Variants in E2F8 observed in about 807,000 individuals in gnomAD.
The protein encoded by E2F8 is E2F transcription factor 8.
A neutral mutation model predicts 80.8 loss-of-function variants in E2F8; 35 were observed. The ratio of observed to expected loss-of-function variants is 0.43; its 90% confidence interval spans 0.33 to 0.57. The LOEUF is 0.57. Ranked by LOEUF, E2F8 falls within the 20% of genes least tolerant of loss-of-function variation. The probability of loss-of-function intolerance (pLI) is 0.04; values close to 1 mark genes in which losing one functional copy is unlikely to be tolerated. For synonymous variants in E2F8, 386 were observed against 395.0 expected (o/e 0.98, Z 0.27); for missense variants, 975 against 1,056.2 (o/e 0.92, Z 1.07).
At chr11:19,239,079 C>T (rs1590132341) in intron 2 of E2F8, among the ~76,000 whole-genome samples, 1 of 152,152 alleles carries the variant, frequency 6.6e-6, no homozygotes. Flanking sequence ...ATGCTTGGAA[C>T]AGCAATAAGT....
At chr11:19,230,550 A>T in intron 8 of E2F8, 81 bp downstream of exon 8, 1 of 1,466,866 alleles carries the variant, frequency 6.8e-7, no homozygotes, top group Non-Finnish European at 9.4e-7. Context: ...TCTGACAACT[A>T]TTGCAAGGAT....
chr11:19,238,253 T>C, intron 2 of E2F8, 121 bp from the exon 3 acceptor site: 1 of 993,484 alleles, frequency 1.0e-6, no homozygotes, highest in Non-Finnish European at 1.5e-6. Context: ...AATGAGATTG[T>C]AGAGTTGAGG....
At chr11:19,233,933 AG>A (rs771780972) in intron 6 of E2F8, among the ~76,000 whole-genome samples, 4 of 151,456 alleles carry the variant, frequency 2.6e-5, no homozygotes, top group Admixed American at 2.6e-4. Context: ...GTGGATCACG[AG>A]GTCAAGAGAT....
At chr11:19,232,565 C>T (rs1851410173) in intron 6 of E2F8, among the ~76,000 whole-genome samples, 194 bp from the exon 7 acceptor site, 1 of 152,122 alleles carries the variant, frequency 6.6e-6, no homozygotes, top group Non-Finnish European at 1.5e-5. Context: ...ATTTAAAAGA[C>T]TCAATTACTG....
chr11:19,227,484 C>T (rs574892857), intron 10 of E2F8, among the ~76,000 whole-genome samples: 2 of 152,280 alleles, frequency 1.3e-5, no homozygotes, highest in African/African-American at 4.8e-5. Flanking sequence ...TTCCAACAAA[C>T]TATATTCATT....
rs1851475018 is a variant in E2F8, at chr11:19,234,964, C to T, written c.546G>A (p.Gly182=). ...CAAGGGTTTTGTTGAGATTGTGTCG[C>T]CCGTGCCAAGTGTACCTGTTTTTGG... ...RLAKNRYTWH[G]RHNLNKTLGT... The change falls in exon 5 of 13, where the codon GGG becomes GGA. Residue 182 remains glycine, a synonymous_variant. Transcript: ENST00000250024. 6.2e-7 allele frequency: 1 copy of T among 1,614,182 alleles called. No individual in the cohort carries two copies. The highest frequency in any genetic ancestry group is 8.5e-7 in the Non-Finnish European group (1 of 1,180,028).
intron 7 of E2F8, 25 bp from the exon 8 acceptor site, chr11:19,230,859 TA>T: frequency 6.2e-7 from 1 of 1,610,634 alleles, no homozygotes; most frequent in South Asian, 1.1e-5. Context: ...GTCTGTGTAT[TA>T]AAACCTGGAT....
At chr11:19,225,932 T>C in intron 10 of E2F8, 68 bp from the exon 11 acceptor site, 1 of 1,551,306 alleles carries the variant, frequency 6.4e-7, no homozygotes, top group South Asian at 1.2e-5. Context: ...ACGTGCCTCT[T>C]TCAGGACTAA....
chr11:19,225,163 C>A, intron 12 of E2F8, 58 bp downstream of exon 12: 1 of 1,564,704 alleles, frequency 6.4e-7, no homozygotes, highest in South Asian at 1.2e-5. Context: ...TCTTATGACA[C>A]AGATACTTGG....
At chr11:19,233,121 G>A (rs1240894797) in intron 6 of E2F8, among the ~76,000 whole-genome samples, 1 of 152,180 alleles carries the variant, frequency 6.6e-6, no homozygotes, top group Non-Finnish European at 1.5e-5. Context: ...CAAAAGGCAA[G>A]TAACCCCTCA....
Position 19,225,447 on chromosome 11 carries a change from G to T in E2F8, c.2195C>A (p.Ala732Asp). ...HPVPIQNPSS[A>D]IVNFTLQHLG... ...GTGCTGCAGGGTGAAGTTTACAATG[G>T]CTGAGCTTGGGTTCTGGATGGGAAC... The change falls in exon 12 of 13, where the codon GCC becomes GAC. Residue 732 changes from alanine to aspartate, a missense_variant. Coordinates refer to ENST00000250024, the MANE Select transcript of E2F8 (RefSeq NM_024680.4). 6.2e-7 allele frequency: 1 copy of T among 1,614,212 alleles called. No individual in the cohort carries two copies.
In E2F8 at chr11:19,229,773, A is replaced by G; in HGVS notation, c.1574T>C (p.Leu525Pro). Reference sequence around the variant, plus strand: ...ACTTTGGTGGGCTTGAGTGGGCTGCAGGTAGATGGCATAGGATGGGCCTGA... The same window carrying G: ...ACTTTGGTGGGCTTGAGTGGGCTGCGGGTAGATGGCATAGGATGGGCCTGA... ...APSGPSYAIYLQPTQAHQSVT... is the reference protein window; with the variant it reads ...APSGPSYAIYPQPTQAHQSVT... The change falls in exon 10 of 13, where the codon CTG (leucine) becomes CCG (proline). Residue 525 changes from leucine to proline, a missense_variant. Physicochemically the swap from Leu to Pro is moderately conservative, Grantham distance 98 (BLOSUM62 -3). Coordinates refer to ENST00000250024, the MANE Select transcript of E2F8 (RefSeq NM_024680.4). The surrounding 1 kb of genome is among the most constrained non-coding windows in gnomAD (Gnocchi z 4.3). 1 of 1,614,130 alleles carries G rather than the reference A, an allele frequency of 6.2e-7. No individual in the cohort carries two copies. Among genetic ancestry groups the G allele is most frequent in the Non-Finnish European group, 8.5e-7 (1 of 1,180,012 alleles).
Position 19,224,321 on chromosome 11 carries a change from A to C in E2F8, c.*337T>G. 5.7e-6 allele frequency: 1 copy of C among 175,728 alleles called. No homozygotes were observed. Among genetic ancestry groups the C allele is most frequent in the African/African-American group, 2.4e-5 (1 of 42,430 alleles). The allele number at this position is 175,728 out of a possible 1,614,324, so 10.9% of individuals were successfully genotyped here. ...TGTCAAGCATATTTGCTTAGAGGGAAGTAAACTTTAATACAGTTACTTTGC... is the reference window on the plus strand; with the variant it reads ...TGTCAAGCATATTTGCTTAGAGGGACGTAAACTTTAATACAGTTACTTTGC... On this transcript the variant is annotated 3_prime_UTR_variant, in exon 13 of 13. Transcript: ENST00000250024.
chr11:19,227,551 A>G (rs10500843), intron 10 of E2F8, among the ~76,000 whole-genome samples: 24,183 of 152,156 alleles, frequency 0.16, 2,171 homozygotes, highest in African/African-American at 0.25. Flanking sequence ...AGAACTATTA[A>G]ATTGCCGAAT....
intron 10 of E2F8, among the ~76,000 whole-genome samples, chr11:19,226,587 A>C (rs1367225707): frequency 2.0e-5 from 3 of 152,224 alleles, no homozygotes; most frequent in Non-Finnish European, 4.4e-5. Flanking sequence ...TGTTTTTATA[A>C]ATAAAGTTTC....
rs1565070947 is a variant in E2F8, at chr11:19,234,785, T to C, written c.725A>G (p.Asp242Gly). 6.2e-7 allele frequency: 1 copy of C among 1,614,024 alleles called. No homozygotes were observed. Among genetic ancestry groups the C allele is most frequent in the Non-Finnish European group, 8.5e-7 (1 of 1,179,904 alleles). The change falls in exon 5 of 13, where the codon GAC becomes GGC. Residue 242 changes from aspartate to glycine, a missense_variant. By Grantham distance (94) the Asp-to-Gly change is moderately conservative (BLOSUM62 -1). Transcript: ENST00000250024. ...TCCAGGGAGTTCCACAAAACACATG[T>C]CTGGGTGTCCATTTGGGCCAGTGTT... Reference protein sequence around the residue: ...KSNTGPNGHPDMCFVELPGVE... With the variant: ...KSNTGPNGHPGMCFVELPGVE...
At chr11:19,230,350 G>A (rs1040612419) in intron 8 of E2F8, 22 bp from the exon 9 acceptor site, 1 of 1,605,852 alleles carries the variant, frequency 6.2e-7, no homozygotes, top group Non-Finnish European at 8.5e-7. Context: ...GAAAGGAAGA[G>A]AGCACCGGTC....
upstream of E2F8, chr11:19,241,368 G>A: frequency 6.5e-6 from 1 of 153,946 alleles, no homozygotes; most frequent in Non-Finnish European, 1.5e-5. This position sits in a 1 kb window ranked among gnomAD's most constrained non-coding sequence, Gnocchi z 4.5. Flanking sequence ...TCCCGGTGCC[G>A]TGTCGCCCGG....
In E2F8 at chr11:19,224,469, A is replaced by ATGTGTGTG. The variant is rs10558787; in HGVS notation, c.*181_*188dup. The ATGTGTGTG allele has an allele frequency of 5.5e-6, 2 of 360,824 alleles. No homozygotes were observed. Among genetic ancestry groups the ATGTGTGTG allele is most frequent in the South Asian group, 7.8e-5 (1 of 12,782 alleles). The allele number at this position is 360,824 out of a possible 1,614,324, so 22.4% of individuals were successfully genotyped here. The stretch of plus-strand genomic sequence containing the variant: ...GCTAAACTTAGCTTTATACAAATAT[A>ATGTGTGTG]TGTGTGTGTGTGTGTGTGTGTGTGT... On this transcript the variant is annotated 3_prime_UTR_variant, in exon 13 of 13. Transcript: ENST00000250024.
Sources: allele counts gnomAD v4.1 joint callset (sites outside exome capture counted in the v4.1 genomes callset), GRCh38; gene constraint gnomAD v4.1.1; non-coding constraint Gnocchi (gnomAD v3.1); transcripts MANE v1.5; gene names NCBI Gene and HGNC (gene_info 2026-07-23, HGNC 2026-07-21).